The following DDI2 variants were observed in gnomAD, a reference collection of about 807,000 sequenced individuals.
The protein encoded by DDI2 is DDI proteasomal shuttling factor 2, also known as protein DDI1 homolog 2.
A neutral mutation model predicts 48.1 loss-of-function variants in DDI2; 5 were observed. The observed-to-expected ratio is 0.10, with a 90% confidence interval of 0.05 to 0.22. DDI2 has a LOEUF of 0.22. Among genes scored for constraint, DDI2 ranks in the 10% least tolerant of loss-of-function variants. DDI2 has a pLI of 1.00. For synonymous variants in DDI2, 205 were observed against 183.6 expected (o/e 1.12, Z -0.94); for missense variants, 285 against 506.2 (o/e 0.56, Z 4.19).
rs777146024 is a variant in DDI2, at chr1:15,661,579, A to T, written c.*1789A>T. The T allele has an allele frequency of 1.2e-6, 2 of 1,613,992 alleles. No individual in the cohort carries two copies. Among genetic ancestry groups the T allele is most frequent in the South Asian group, 2.2e-5 (2 of 91,064 alleles). On this transcript the variant is annotated 3_prime_UTR_variant, in exon 10 of 10. Coordinates refer to ENST00000480945, the MANE Select transcript of DDI2 (RefSeq NM_032341.5). ...AAGTCCTGCCATTCTTCCACCATTG[A>T]TTTTTCCTGCCACAGATATTGACCG...
Position 15,626,654 on chromosome 1 carries a change from C to G in DDI2, c.139-15C>G, listed in dbSNP as rs370103023. 1.9e-4 allele frequency: 304 copies of G among 1,614,140 alleles called. No individual in the cohort carries two copies. In the African/African-American group the frequency reaches 3.7e-3, roughly 20 times the overall value. ...CTCAGTGCTTTATACTGTTGTATAT[C>G]TTTTCTTGTTGTAGATCGTCTATGC... is the stretch of plus-strand genomic sequence containing the variant. On this transcript the variant is annotated splice_polypyrimidine_tract_variant and intron_variant, in intron 1 of 9. Transcript: ENST00000480945.
At chr1:15,625,808 G>A (rs976486035) in intron 1 of DDI2, among the ~76,000 whole-genome samples, 14 of 152,130 alleles carry the variant, frequency 9.2e-5, no homozygotes, top group Non-Finnish European at 1.9e-4. Flanking sequence ...TAGTAGAGAC[G>A]GAGTTTCACC....
chr1:15,650,583 A>G (rs556641413), intron 7 of DDI2, among the ~76,000 whole-genome samples: 89 of 152,246 alleles, frequency 5.8e-4, no homozygotes, highest in African/African-American at 2.1e-3. Context: ...CCCTGTCTCT[A>G]CAAAAAGTAC....
intron 4 of DDI2, among the ~76,000 whole-genome samples, chr1:15,635,762 G>T (rs57559839): frequency 0.01 from 1,571 of 152,198 alleles, 25 homozygotes; most frequent in African/African-American, 0.035. Context: ...TCTACATATG[G>T]ACCCCAGAAA....
intron 8 of DDI2, among the ~76,000 whole-genome samples, chr1:15,652,215 C>T (rs998936671): frequency 6.6e-6 from 1 of 151,622 alleles, no homozygotes; most frequent in South Asian, 2.1e-4. Flanking sequence ...GCTGGGACTA[C>T]ACCTGGCTAA....
intron 8 of DDI2, chr1:15,656,298 A>G (rs1034765747): frequency 4.2e-6 from 3 of 721,164 alleles, no homozygotes; most frequent in African/African-American, 3.7e-5. Flanking sequence ...TTTTTTAATC[A>G]CCTAATTCGA....
At position 15,659,815 on chromosome 1, in the gene DDI2, C is replaced by G. The variant is rs1211243239; in HGVS notation, c.*47-22C>G. 2.0e-6 allele frequency: 3 copies of G among 1,486,224 alleles called. No homozygotes were observed. In the African/African-American group the frequency reaches 4.2e-5, roughly 21 times the overall value. 92.1% of individuals were successfully genotyped at this position (1,486,224 alleles called of 1,614,324 possible). On this transcript the variant is annotated intron_variant, in intron 9 of 9. Coordinates refer to ENST00000480945, the MANE Select transcript of DDI2 (RefSeq NM_032341.5). ...AGTCACCTGCTAATTAATCTTTTTCCTTTCCCCTGTGTTCCATATAGAGAA... is the reference window on the plus strand; with the variant it reads ...AGTCACCTGCTAATTAATCTTTTTCGTTTCCCCTGTGTTCCATATAGAGAA...
chr1:15,658,536 G>T (rs1640306744), intron 9 of DDI2, among the ~76,000 whole-genome samples: 1 of 151,282 alleles, frequency 6.6e-6, no homozygotes. Flanking sequence ...GCTGAGGCGG[G>T]CGGATCACCT....
At position 15,660,435 on chromosome 1, in the gene DDI2, T is replaced by C. The variant is rs769208220; in HGVS notation, c.*645T>C. ...AAAAAGCTTCACATGACCAAGAATA[T>C]CTTTGTAACATAGGGGACCTTGAGC... On this transcript the variant is annotated 3_prime_UTR_variant, in exon 10 of 10. Coordinates refer to ENST00000480945, the MANE Select transcript of DDI2 (RefSeq NM_032341.5). The C allele has an allele frequency of 6.2e-7, 1 of 1,613,946 alleles. No individual in the cohort carries two copies. Among genetic ancestry groups the C allele is most frequent in the Non-Finnish European group, 8.5e-7 (1 of 1,179,990 alleles).
At chr1:15,652,966 C>T (rs1387741635) in intron 8 of DDI2, among the ~76,000 whole-genome samples, 1 of 152,170 alleles carries the variant, frequency 6.6e-6, no homozygotes, top group Non-Finnish European at 1.5e-5. Flanking sequence ...GATGGCACCA[C>T]TGCACTCTAG....
intron 1 of DDI2, among the ~76,000 whole-genome samples, chr1:15,624,433 A>G (rs1247409021): frequency 6.6e-6 from 1 of 152,034 alleles, no homozygotes; most frequent in Non-Finnish European, 1.5e-5. Flanking sequence ...TGGGAGTGAC[A>G]GTTGCAGTCT....
intron 5 of DDI2, 126 bp from the exon 6 acceptor site, chr1:15,643,396 A>G (rs945343646): frequency 3.7e-6 from 5 of 1,351,090 alleles, no homozygotes; most frequent in Middle Eastern, 5.4e-4. Context: ...GGTAGAAATG[A>G]GTTTATAGAG....
chr1:15,653,767 G>A (rs1640229472), intron 8 of DDI2, among the ~76,000 whole-genome samples: 2 of 152,132 alleles, frequency 1.3e-5, no homozygotes, highest in Admixed American at 6.6e-5. Context: ...AAAATGACAG[G>A]ATTATAGGAA....
intron 2 of DDI2, among the ~76,000 whole-genome samples, chr1:15,627,746 G>T (rs1315247037): frequency 2.0e-5 from 3 of 152,138 alleles, no homozygotes; most frequent in South Asian, 2.1e-4. Context: ...TTCTTAAATA[G>T]TGTTTAGCCT....
intron 2 of DDI2, among the ~76,000 whole-genome samples, chr1:15,628,649 A>T (rs370691806): frequency 5.9e-5 from 9 of 152,344 alleles, no homozygotes; most frequent in African/African-American, 1.9e-4. Context: ...CGATTGACTC[A>T]GGCCTAGCCC....
At position 15,664,172 on chromosome 1, in the gene DDI2, C is replaced by T. The variant is rs1236633454; in HGVS notation, c.*4382C>T. 6.6e-6 allele frequency: 1 copy of T among 152,034 alleles called. No individual in the cohort carries two copies. The highest frequency in any genetic ancestry group is 1.5e-5 in the Non-Finnish European group (1 of 68,010). 9.4% of individuals were successfully genotyped at this position (152,034 alleles called of 1,614,324 possible). On this transcript the variant is annotated 3_prime_UTR_variant, in exon 10 of 10. Transcript: ENST00000480945. ...TGAGTAGCTGGGACTACATAAAGGC[C>T]AAAGTATAATTGCTTTTGATTTTTA...
chr1:15,634,012 G>C (rs1469249472), intron 4 of DDI2: 1 of 298,980 alleles, frequency 3.3e-6, no homozygotes, highest in Admixed American at 4.5e-5. Flanking sequence ...CCGATGGAAC[G>C]TTGGTAGTCC....
intron 8 of DDI2, among the ~76,000 whole-genome samples, chr1:15,653,779 G>A (rs1010370592): frequency 6.6e-5 from 10 of 152,130 alleles, no homozygotes; most frequent in African/African-American, 2.2e-4. Context: ...TTATAGGAAC[G>A]AGACACCATG....
chr1:15,659,118 T>G (rs1442593796), intron 9 of DDI2, among the ~76,000 whole-genome samples: 3 of 152,246 alleles, frequency 2.0e-5, no homozygotes, highest in African/African-American at 7.2e-5. Context: ...CTGAGTCAGA[T>G]GCTCACCCAG....
Sources: allele counts gnomAD v4.1 joint callset (sites outside exome capture counted in the v4.1 genomes callset), GRCh38; gene constraint gnomAD v4.1.1; transcripts MANE v1.5; gene names NCBI Gene and HGNC (gene_info 2026-07-23, HGNC 2026-07-21).